Variants in FAM124A observed in about 807,000 individuals in gnomAD.
FAM124A encodes protein FAM124A.
Under a neutral mutation model 24.5 loss-of-function variants are expected in FAM124A, and 23 were observed. The observed-to-expected ratio is 0.94, with a 90% CI of 0.68 to 1.33. The LOEUF (loss-of-function observed/expected upper bound fraction) is 1.33. Among genes scored for constraint, FAM124A ranks in the 40% most tolerant of loss-of-function variants. The probability of loss-of-function intolerance (pLI) is 0.00; values close to 1 mark genes in which losing one functional copy is unlikely to be tolerated. For synonymous variants in FAM124A, 287 were observed against 314.7 expected (o/e 0.91, Z 0.93); for missense variants, 623 against 722.8 (o/e 0.86, Z 1.58).
chr13:51,257,510 A>G (rs1211760790), intron 3 of FAM124A, among the ~76,000 whole-genome samples: 1 of 152,242 alleles, frequency 6.6e-6, no homozygotes, highest in East Asian at 1.9e-4. Flanking sequence ...TATGTGCGTC[A>G]TCATAAAACA....
chr13:51,280,840 G>T lies in FAM124A; in HGVS notation c.1225G>T (p.Ala409Ser), dbSNP rs201760116. The change falls in exon 4 of 4, where the codon GCC (alanine) becomes TCC (serine). Residue 409 changes from alanine (A) to serine (S), a missense_variant. By Grantham distance (99) the Ala-to-Ser change is moderately conservative (BLOSUM62 1). Coordinates refer to ENST00000322475, the MANE Select transcript of FAM124A (RefSeq NM_001242312.2). ...CCTCTCCATCGATGACCTAGAGGGGGCCCAGGAGACAGACGTGGACACAGG... is the reference window on the plus strand; with the variant it reads ...CCTCTCCATCGATGACCTAGAGGGGTCCCAGGAGACAGACGTGGACACAGG... ...HLLSIDDLEG[A>S]QETDVDTGLR... 1.5e-5 allele frequency: 24 copies of T among 1,614,108 alleles called. 1 individual carries two copies. In the South Asian group the frequency reaches 2.4e-4, roughly 16 times the overall value.
intron 3 of FAM124A, among the ~76,000 whole-genome samples, chr13:51,278,169 C>T (rs1954901870): frequency 6.6e-6 from 1 of 152,190 alleles, no homozygotes; most frequent in African/African-American, 2.4e-5. Context: ...CTTGGAGCAG[C>T]TCAGGAGGGC....
intron 2 of FAM124A, among the ~76,000 whole-genome samples, chr13:51,235,054 G>A (rs764899412): frequency 1.3e-5 from 2 of 151,406 alleles, no homozygotes; most frequent in African/African-American, 2.4e-5. Flanking sequence ...TGACCGGGGG[G>A]CTTCTTTAAT....
Position 51,281,323 on chromosome 13 carries a change from C to A in FAM124A, c.*67C>A. The stretch of plus-strand genomic sequence containing the variant: ...CACAGACTCAGGCCCCACTGCCCCT[C>A]TGGCCACTGAGCACACCACATTCTT... On this transcript the variant is annotated 3_prime_UTR_variant, in exon 4 of 4. Transcript: ENST00000322475. The A allele has an allele frequency of 7.0e-7, 1 of 1,430,442 alleles. No homozygotes were observed. The highest frequency in any genetic ancestry group is 2.3e-5 in the East Asian group (1 of 42,844). The allele number at this position is 1,430,442 out of a possible 1,614,324, so 88.6% of individuals were successfully genotyped here.
chr13:51,273,101 G>A (rs777985267), intron 3 of FAM124A, among the ~76,000 whole-genome samples: 11 of 152,132 alleles, frequency 7.2e-5, no homozygotes, highest in Non-Finnish European at 1.5e-4. Context: ...AGGCATTCCC[G>A]CAGAACTTAG....
At chr13:51,264,940 T>C (rs772171129) in intron 3 of FAM124A, among the ~76,000 whole-genome samples, 10 of 152,246 alleles carry the variant, frequency 6.6e-5, no homozygotes, top group Non-Finnish European at 2.9e-5. Flanking sequence ...CAAAGACTGG[T>C]CTCTGAGCCA....
intron 1 of FAM124A, 21 bp from the exon 2 acceptor site, chr13:51,231,327 C>G (rs761755677): frequency 2.5e-6 from 4 of 1,613,712 alleles, no homozygotes; most frequent in Non-Finnish European, 2.5e-6. Context: ...ATTCTACTAA[C>G]GCTGAGGTCT....
intron 2 of FAM124A, among the ~76,000 whole-genome samples, chr13:51,238,378 C>T (rs1366993362): frequency 6.6e-6 from 1 of 152,222 alleles, no homozygotes; most frequent in Non-Finnish European, 1.5e-5. Context: ...GCTAGCCCAT[C>T]TCTTCGTTAT....
At chr13:51,278,539 T>C (rs984717414) in intron 3 of FAM124A, among the ~76,000 whole-genome samples, 41 of 152,334 alleles carry the variant, frequency 2.7e-4, no homozygotes, top group African/African-American at 8.9e-4. Context: ...TCAGGAGCGA[T>C]GTGGAGGCTC....
intron 3 of FAM124A, among the ~76,000 whole-genome samples, chr13:51,271,463 G>A (rs771432705): frequency 3.3e-5 from 5 of 152,172 alleles, no homozygotes; most frequent in African/African-American, 4.8e-5. Flanking sequence ...CTGAACAAGA[G>A]AAGTAAAGCC....
chr13:51,277,675 TCC>T (rs1954897281), intron 3 of FAM124A, among the ~76,000 whole-genome samples: 1 of 152,074 alleles, frequency 6.6e-6, no homozygotes, highest in Admixed American at 6.5e-5. Flanking sequence ...GTGCCTGTGG[TCC>T]CAGCTACTCA....
Position 51,251,651 on chromosome 13 carries a change from A to G in FAM124A, c.284A>G (p.Lys95Arg). Reference protein sequence around the residue: ...RASRRRRKPPKGAQPALAVVL... With the variant: ...RASRRRRKPPRGAQPALAVVL... ...TCCCGGCGGCGGCGGAAGCCCCCCA[A>G]GGGCGCTCAGCCAGCGCTGGCTGTG... The change falls in exon 3 of 4, where the codon AAG (lysine) becomes AGG (arginine). Residue 95 changes from lysine to arginine, a missense_variant. By Grantham distance (26) the Lys-to-Arg change is conservative. Coordinates refer to ENST00000322475, the MANE Select transcript of FAM124A (RefSeq NM_001242312.2). This position sits in a 1 kb window ranked among gnomAD's most constrained non-coding sequence, Gnocchi z 5.3. 1 of 1,581,168 alleles carries G rather than the reference A, an allele frequency of 6.3e-7. No individual in the cohort carries two copies. The highest frequency in any genetic ancestry group is 8.6e-7 in the Non-Finnish European group (1 of 1,162,310).
chr13:51,226,122 A>T (rs1195118844), intron 1 of FAM124A, among the ~76,000 whole-genome samples: 1 of 150,420 alleles, frequency 6.6e-6, no homozygotes, highest in Non-Finnish European at 1.5e-5. Context: ...CCTCCTAAGT[A>T]GCTGGGATTA....
intron 2 of FAM124A, among the ~76,000 whole-genome samples, chr13:51,248,478 A>G (rs964942464): frequency 2.0e-5 from 3 of 152,264 alleles, no homozygotes; most frequent in Admixed American, 2.0e-4. Context: ...TGAAACAACC[A>G]TCATTATTAT....
intron 3 of FAM124A, among the ~76,000 whole-genome samples, chr13:51,262,994 C>T (rs1954752059): frequency 6.6e-6 from 1 of 152,234 alleles, no homozygotes; most frequent in South Asian, 2.1e-4. Context: ...GGCTCCTGGG[C>T]CCACTGTAGC....
chr13:51,281,028 G>T lies in FAM124A; in HGVS notation c.1413G>T (p.Val471=), dbSNP rs1268233026. The change falls in exon 4 of 4, where the codon GTG becomes GTT. Residue 471 remains valine (V), a synonymous_variant. Transcript: ENST00000322475. ...GACCACTGCCCACTGTCAGCAGGGTGACCACAGAGGCCTCCTGGGCTTCCC... is the reference window on the plus strand; with the variant it reads ...GACCACTGCCCACTGTCAGCAGGGTTACCACAGAGGCCTCCTGGGCTTCCC... ...REGPLPTVSR[V]TTEASWASLP... is the part of the protein sequence containing the mutation. 5.0e-6 allele frequency: 8 copies of T among 1,613,974 alleles called. No homozygotes were observed. Among genetic ancestry groups the T allele is most frequent in the Middle Eastern group, 3.3e-4 (2 of 6,084 alleles).
intron 2 of FAM124A, chr13:51,245,283 G>GC: frequency 8.0e-6 from 5 of 626,352 alleles, no homozygotes; most frequent in Non-Finnish European, 5.8e-6. Context: ...AAATCTGGCC[G>GC]CCCCCCACTT....
rs1026380201 is a variant in FAM124A at position 51,241,791 on chromosome 13, G to A, written c.101-9677G>A. Among the ~76,000 whole-genome samples the A allele has an allele frequency of 4.6e-5, 7 of 151,646 alleles. No homozygotes were observed. In the East Asian group the frequency reaches 1.3e-3, roughly 29 times the overall value. On this transcript the variant is annotated intron_variant, in intron 2 of 3. Transcript: ENST00000322475. ...GCTCCATCCACTTCCTACATTGCTCGTTTGATCATGAGCAAAGCCAGTGCT... is the reference window on the plus strand; with the variant it reads ...GCTCCATCCACTTCCTACATTGCTCATTTGATCATGAGCAAAGCCAGTGCT...
intron 3 of FAM124A, among the ~76,000 whole-genome samples, chr13:51,259,176 C>G (rs571162083): frequency 2.1e-4 from 32 of 152,204 alleles, no homozygotes; most frequent in Non-Finnish European, 8.8e-5. Flanking sequence ...GCCACTTTCT[C>G]CACTTCTGCT....
Sources: allele counts gnomAD v4.1 joint callset (sites outside exome capture counted in the v4.1 genomes callset), GRCh38; gene constraint gnomAD v4.1.1; non-coding constraint Gnocchi (gnomAD v3.1); transcripts MANE v1.5; gene names NCBI Gene and HGNC (gene_info 2026-07-23, HGNC 2026-07-21).